ZNF717: variants seen among roughly 807,000 people sequenced by gnomAD.
The protein encoded by ZNF717 is zinc finger protein 717, also known as krueppel-like factor X17.
ZNF717 carries 9 observed loss-of-function variants against 13.8 expected under a neutral mutation model. That is an observed-to-expected ratio of 0.65 (90% CI 0.39 to 1.14). The LOEUF is 1.14. ZNF717 is among the 50% of genes most tolerant of loss of function. The probability of loss-of-function intolerance (pLI) is 0.01; values close to 1 mark genes in which losing one functional copy is unlikely to be tolerated. For missense variants in ZNF717, 1,040 were observed against 1,080.7 expected (o/e 0.96, Z 0.53); for synonymous variants, 327 against 364.1 (o/e 0.90, Z 1.16).
intron 5 of ZNF717, among the ~76,000 whole-genome samples, chr3:75,712,239 T>C (rs1240061376): frequency 6.6e-6 from 1 of 152,228 alleles, no homozygotes; most frequent in African/African-American, 2.4e-5. Context: ...CAGAAAGATA[T>C]TTGACAGAAA....
intron 2 of ZNF717, among the ~76,000 whole-genome samples, chr3:75,765,015 A>ATG (rs1943341482): frequency 7.0e-5 from 2 of 28,562 alleles, no homozygotes; most frequent in East Asian, 6.3e-4. Flanking sequence ...ATATATATAT[A>ATG]TATATATATA....
chr3:75,739,300 T>C lies in ZNF717; in HGVS notation c.323A>G (p.His108Arg). 6.6e-7 allele frequency: 1 copy of C among 1,504,520 alleles called. No homozygotes were observed. The highest frequency in any genetic ancestry group is 8.9e-7 in the Non-Finnish European group (1 of 1,126,890). The allele number at this position is 1,504,520 out of a possible 1,614,324, so 93.2% of individuals were successfully genotyped here. Residue 108 changes from histidine (H) to arginine (R), a missense_variant, in exon 5 of 5, where the codon CAT becomes CGT. Physicochemically the swap from His to Arg is conservative, Grantham distance 29 (BLOSUM62 0). This residue lies in a region of ZNF717 where 123 missense variants were observed against 177.8 expected (regional missense o/e 0.69). Coordinates refer to ENST00000652011, the MANE Select transcript of ZNF717 (RefSeq NM_001290208.3). ...DDLIERSHES[H>R]DRFFWQIVIT... ...TACAATTTGCCAGAAAAATCTATCA[T>C]GACTTTCATGGCTCCTTTCAATAAG...
Position 75,738,150 on chromosome 3 carries a change from C to T in ZNF717, c.1473G>A (p.Lys491=). 7 of 1,363,676 alleles carry T rather than the reference C, an allele frequency of 5.1e-6. No individual in the cohort carries two copies. Among genetic ancestry groups the T allele is most frequent in the Non-Finnish European group, 5.9e-6 (6 of 1,018,892 alleles). The allele number at this position is 1,363,676 out of a possible 1,614,324, so 84.5% of individuals were successfully genotyped here. The change falls in exon 5 of 5, where the codon AAG becomes AAA. Residue 491 remains lysine, a synonymous_variant. Transcript: ENST00000652011. The part of the protein sequence containing the change: ...CNECGKTFHR[K]SFLTIHQWTH... ...TCCATTGATGGATAGTGAGGAATGA[C>T]TTACGGTGAAACGTTTTCCCACATT...
At chr3:75,745,119 ATGTT>A (rs2107273367) in intron 2 of ZNF717, among the ~76,000 whole-genome samples, 1 of 142,404 alleles carries the variant, frequency 7.0e-6, no homozygotes, top group Admixed American at 6.9e-5. Flanking sequence ...GAGGGTCTGA[ATGTT>A]TGTCCCTCAC....
Position 75,738,427 on chromosome 3 carries a change from T to A in ZNF717, c.1196A>T (p.Glu399Val). 1 of 1,532,208 alleles carries A rather than the reference T, an allele frequency of 6.5e-7. No homozygotes were observed. Among genetic ancestry groups the A allele is most frequent in the South Asian group, 1.2e-5 (1 of 83,102 alleles). The allele number at this position is 1,532,208 out of a possible 1,614,324, so 94.9% of individuals were successfully genotyped here. A position where few individuals can be genotyped will look rare whatever the true frequency, so the allele number is the denominator to read the frequency against. ...CTTCTGGCTAAAGGTTTTTCCACAT[T>A]CACTACACTGATAGGGCTTTTCCCC... ...HSGEKPYQCS[E>V]CGKTFSQKSY... The change falls in exon 5 of 5, where the codon GAA (glutamate) becomes GTA (valine). Residue 399 changes from glutamate to valine, a missense_variant. Glu to Val is a moderately radical substitution (Grantham distance 121). This residue lies in a region of ZNF717 where 873 missense variants were observed against 832.8 expected (regional missense o/e 1.05). Coordinates refer to ENST00000652011, the MANE Select transcript of ZNF717 (RefSeq NM_001290208.3).
chr3:75,735,561 C>G (rs111729658), downstream of ZNF717, among the ~76,000 whole-genome samples: 2,061 of 53,726 alleles, frequency 0.038, no homozygotes, highest in African/African-American at 0.13. Context: ...GGAAGGATCA[C>G]TTGAACCCAT....
chr3:75,734,984 T>A (rs796410007), downstream of ZNF717, among the ~76,000 whole-genome samples: 2 of 151,654 alleles, frequency 1.3e-5, no homozygotes, highest in Non-Finnish European at 2.9e-5. Flanking sequence ...TGCCACCACG[T>A]CCAGCTAATT....
At chr3:75,774,613 T>G (rs1209886784) in intron 2 of ZNF717, among the ~76,000 whole-genome samples, 2 of 54,508 alleles carry the variant, frequency 3.7e-5, no homozygotes, top group African/African-American at 7.4e-5. Context: ...TCTTGTGGTT[T>G]TTTTTTTTTT....
intron 2 of ZNF717, among the ~76,000 whole-genome samples, chr3:75,762,786 A>G (rs1456469428): frequency 1.3e-5 from 2 of 152,194 alleles, no homozygotes; most frequent in Admixed American, 6.5e-5. Flanking sequence ...AGGTCTCAAA[A>G]CAATTACAAA....
At chr3:75,765,035 A>ATGTGTG (rs150835839) in intron 2 of ZNF717, among the ~76,000 whole-genome samples, 1,294 of 81,234 alleles carry the variant, frequency 0.016, 57 homozygotes, top group African/African-American at 0.051. Flanking sequence ...ATATATGTAT[A>ATGTGTG]TGTGTGTGTG....
chr3:75,695,241 A>T (rs1937590961), intron 6 of ZNF717, among the ~76,000 whole-genome samples: 2 of 152,286 alleles, frequency 1.3e-5, no homozygotes, highest in South Asian at 4.1e-4. Flanking sequence ...GAGATTAAAA[A>T]GGTCATTATA....
intron 6 of ZNF717, among the ~76,000 whole-genome samples, chr3:75,699,102 T>C (rs1185592171): frequency 1.3e-4 from 20 of 152,336 alleles, no homozygotes; most frequent in African/African-American, 4.6e-4. Context: ...GTCCATTTCT[T>C]TTGGCTGATT....
intron 5 of ZNF717, among the ~76,000 whole-genome samples, chr3:75,713,960 G>A (rs1372953550): frequency 6.6e-6 from 1 of 152,144 alleles, no homozygotes; most frequent in African/African-American, 2.4e-5. Context: ...GGCAGCTGAG[G>A]TGGGGAGAGA....
At chr3:75,760,061 C>T (rs1942849257) in intron 2 of ZNF717, among the ~76,000 whole-genome samples, 2 of 152,214 alleles carry the variant, frequency 1.3e-5, no homozygotes, top group Admixed American at 6.5e-5. Flanking sequence ...CGGAGTCTCA[C>T]TCTGTCACCC....
At chr3:75,729,200 C>T (rs1938372695), downstream of ZNF717, among the ~76,000 whole-genome samples, 1 of 152,120 alleles carries the variant, frequency 6.6e-6, no homozygotes, top group Non-Finnish European at 1.5e-5. Context: ...TCATCCATGC[C>T]TTTGGCTCAG....
chr3:75,733,498 G>GCCAGGC (rs1938775225), downstream of ZNF717, among the ~76,000 whole-genome samples: 2 of 145,440 alleles, frequency 1.4e-5, no homozygotes, highest in Non-Finnish European at 3.1e-5. Context: ...TCACATTCAG[G>GCCAGGC]TTGAGCTCGG....
chr3:75,742,405 C>G, intron 2 of ZNF717, among the ~76,000 whole-genome samples: 1 of 151,248 alleles, frequency 6.6e-6, no homozygotes, highest in African/African-American at 2.4e-5. Context: ...TAAACACATA[C>G]TGGGAATAAT....
intron 2 of ZNF717, among the ~76,000 whole-genome samples, chr3:75,742,476 T>C (rs1940603188): frequency 6.6e-6 from 1 of 151,642 alleles, no homozygotes; most frequent in South Asian, 2.1e-4. Flanking sequence ...AAGGAGAAAA[T>C]AAGTTTTGTT....
intron 2 of ZNF717, among the ~76,000 whole-genome samples, chr3:75,745,658 C>T (rs1262168946): frequency 9.7e-4 from 147 of 151,994 alleles, no homozygotes; most frequent in Non-Finnish European, 1.8e-3. Flanking sequence ...CACCATTGTA[C>T]TTTGTAACTC....
Sources: allele counts gnomAD v4.1 joint callset (sites outside exome capture counted in the v4.1 genomes callset), GRCh38; gene constraint gnomAD v4.1.1; regional missense constraint gnomAD v4.1.1; transcripts MANE v1.5; gene names NCBI Gene and HGNC (gene_info 2026-07-23, HGNC 2026-07-21).